SCAMP1: variants seen among roughly 807,000 people sequenced by gnomAD.
The protein encoded by SCAMP1 is secretory carrier-associated membrane protein 1.
Under a neutral mutation model 41.8 loss-of-function variants are expected in SCAMP1, and 15 were observed. The ratio of observed to expected loss-of-function variants is 0.36; its 90% CI spans 0.24 to 0.55. The LOEUF (loss-of-function observed/expected upper bound fraction) is 0.55, where lower values mean the gene tolerates loss of function less well. Among genes scored for constraint, SCAMP1 ranks in the 20% least tolerant of loss-of-function variants. The pLI is 0.86. For synonymous variants in SCAMP1, 135 were observed against 136.8 expected, an observed-to-expected ratio of 0.99 and a Z score of 0.09; for missense variants, 341 against 412.6, an observed-to-expected ratio of 0.83 and a Z score of 1.50.
chr5:78,375,817 A>G (rs1250625724), intron 1 of SCAMP1, among the ~76,000 whole-genome samples: 1 of 152,188 alleles, frequency 6.6e-6, no homozygotes. Flanking sequence ...AAATTATTCT[A>G]TGAGCCAGTC....
At chr5:78,372,991 A>G (rs1017652306) in intron 1 of SCAMP1, among the ~76,000 whole-genome samples, 12 of 152,294 alleles carry the variant, frequency 7.9e-5, no homozygotes, top group Middle Eastern at 3.4e-3. Flanking sequence ...TAACAACAAC[A>G]ATAACTAAAT....
chr5:78,366,166 C>T (rs1208557322), intron 1 of SCAMP1, among the ~76,000 whole-genome samples: 2 of 133,630 alleles, frequency 1.5e-5, no homozygotes, highest in Admixed American at 8.6e-5. Context: ...TTTTTTGAGA[C>T]GGAGTCTTGC....
chr5:78,426,549 G>T (rs1443291438), intron 6 of SCAMP1, among the ~76,000 whole-genome samples: 2 of 152,130 alleles, frequency 1.3e-5, no homozygotes, highest in Non-Finnish European at 2.9e-5. Context: ...GTGATGATGA[G>T]CTTTTTTTCA....
chr5:78,479,838 C>T lies in SCAMP1; in HGVS notation c.*4170C>T, dbSNP rs147576878. ...TGGGCGGATCACGAGGTCAGGAGAT[C>T]GAAACCATCCTGGCTAACATGGTGA... On this transcript the variant is annotated 3_prime_UTR_variant, in exon 9 of 9. Coordinates refer to ENST00000621999, the MANE Select transcript of SCAMP1 (RefSeq NM_004866.6). Among the ~76,000 whole-genome samples the T allele has an allele frequency of 0.022, 3,317 of 151,960 alleles. 154 individuals carry two copies. The highest frequency in any genetic ancestry group is 0.11 in the Admixed American group (1,737 of 15,272).
intron 2 of SCAMP1, among the ~76,000 whole-genome samples, chr5:78,391,685 A>C (rs1437297750): frequency 1.3e-5 from 2 of 152,158 alleles, no homozygotes; most frequent in Non-Finnish European, 2.9e-5. Flanking sequence ...TAGCGAGCCG[A>C]GATCACGCCA....
chr5:78,426,727 C>A lies in SCAMP1; in HGVS notation c.632+4767C>A, dbSNP rs1752479883. 2.0e-5 allele frequency among the ~76,000 whole-genome samples: 3 copies of A among 152,322 alleles called. No individual in the cohort carries two copies. In the South Asian group the frequency reaches 6.2e-4, roughly 32 times the overall value. ...GATTCATTTGCACACAATTCTCATT[C>A]CTTTCCCCTAGCTCCAGGAAACCAC... On this transcript the variant is annotated intron_variant, in intron 6 of 8. Transcript: ENST00000621999.
At chr5:78,380,793 C>T (rs553300609) in intron 1 of SCAMP1, among the ~76,000 whole-genome samples, 74 of 152,172 alleles carry the variant, frequency 4.9e-4, no homozygotes, top group African/African-American at 1.7e-3. Context: ...AGGCCGGGAG[C>T]GGTGGCTCAT....
At chr5:78,425,073 GTAAT>G (rs1404536633) in intron 6 of SCAMP1, among the ~76,000 whole-genome samples, 3 of 152,130 alleles carry the variant, frequency 2.0e-5, no homozygotes, top group African/African-American at 7.2e-5. Flanking sequence ...AATGGTAGCT[GTAAT>G]TAATTTTTAA....
At chr5:78,439,811 A>C (rs115265355) in intron 6 of SCAMP1, among the ~76,000 whole-genome samples, 4,330 of 152,254 alleles carry the variant, frequency 0.028, 222 homozygotes, top group African/African-American at 0.097. Context: ...TTAGAGTGTT[A>C]TACAACTTGG....
chr5:78,394,625 A>G (rs759458162), intron 2 of SCAMP1, among the ~76,000 whole-genome samples: 1 of 152,184 alleles, frequency 6.6e-6, no homozygotes, highest in African/African-American at 2.4e-5. Flanking sequence ...CATCTTTAAT[A>G]CTGCCAAAGC....
intron 6 of SCAMP1, among the ~76,000 whole-genome samples, chr5:78,447,064 T>C (rs1371409676): frequency 2.0e-5 from 3 of 152,164 alleles, no homozygotes; most frequent in African/African-American, 7.2e-5. Context: ...ACAAACCCTA[T>C]TGTGAACTGC....
chr5:78,432,299 G>A (rs932493978), intron 6 of SCAMP1, among the ~76,000 whole-genome samples: 4 of 151,832 alleles, frequency 2.6e-5, no homozygotes, highest in Admixed American at 1.3e-4. Flanking sequence ...TGTGTGTGTG[G>A]GTGTATATGT....
intron 2 of SCAMP1, among the ~76,000 whole-genome samples, chr5:78,409,422 TACACACACACACACACAC>T (rs59969661): frequency 6.7e-6 from 1 of 148,906 alleles, no homozygotes; most frequent in East Asian, 2.0e-4. Flanking sequence ...CACATATAGA[TACACACACACACACACAC>T]ACACACACGC....
chr5:78,467,985 C>T (rs1414552783), intron 8 of SCAMP1, among the ~76,000 whole-genome samples: 1 of 152,186 alleles, frequency 6.6e-6, no homozygotes, highest in Non-Finnish European at 1.5e-5. Flanking sequence ...TAACCGTAAT[C>T]TGTGCACGGT....
rs111940784 is a variant in SCAMP1, at chr5:78,411,076, G to A, written c.136-4444G>A. ...GGATAGATTGCAAAAATTTTCTCCCGTTTTGTAGGTTTTCTGTTCACTCTG... is the reference window on the plus strand; with the variant it reads ...GGATAGATTGCAAAAATTTTCTCCCATTTTGTAGGTTTTCTGTTCACTCTG... On this transcript the variant is annotated intron_variant, in intron 2 of 8. Coordinates refer to ENST00000621999, the MANE Select transcript of SCAMP1 (RefSeq NM_004866.6). Among the ~76,000 whole-genome samples the A allele has an allele frequency of 8.4e-3, 1,278 of 151,952 alleles. 20 individuals are homozygous for A. Among genetic ancestry groups the A allele is most frequent in the African/African-American group, 0.029 (1,193 of 41,448 alleles).
intron 1 of SCAMP1, among the ~76,000 whole-genome samples, chr5:78,373,039 A>G (rs1218594519): frequency 6.6e-6 from 1 of 152,152 alleles, no homozygotes; most frequent in Non-Finnish European, 1.5e-5. Context: ...GTGGTCACCT[A>G]GCTAGGAGGT....
At position 78,416,455 on chromosome 5, in the gene SCAMP1, T is replaced by C. The variant is rs1752209767; in HGVS notation, c.235-86T>C. 6 of 939,782 alleles carry C rather than the reference T, an allele frequency of 6.4e-6. No homozygotes were observed. In the East Asian group the frequency reaches 1.7e-4, roughly 26 times the overall value. The allele number at this position is 939,782 out of a possible 1,614,324, so 58.2% of individuals were successfully genotyped here. On this transcript the variant is annotated intron_variant, in intron 3 of 8. Coordinates refer to ENST00000621999, the MANE Select transcript of SCAMP1 (RefSeq NM_004866.6). ...GTGTGTTTGAATTAGGTTTCTCTCA[T>C]AGTAGAGAAGTAGGAGTTAGCATAT...
intron 2 of SCAMP1, among the ~76,000 whole-genome samples, chr5:78,397,339 C>G (rs927419064): frequency 1.3e-5 from 2 of 152,000 alleles, no homozygotes; most frequent in African/African-American, 4.8e-5. Flanking sequence ...TTAACTCAAT[C>G]ATAGACCTAA....
rs188886737 is a variant in SCAMP1 at position 78,402,637 on chromosome 5, G to A, written c.136-12883G>A. On this transcript the variant is annotated intron_variant, in intron 2 of 8. Transcript: ENST00000621999. ...TTTCTGAAATTTTTTATCAGTGTTA[G>A]CATGGTATATTTTTCTGTTTACTTC... is the stretch of plus-strand genomic sequence containing the variant. Among the ~76,000 whole-genome samples, 289 of 152,090 alleles carry A rather than the reference G, an allele frequency of 1.9e-3. 1 individual carries two copies. The highest frequency in any genetic ancestry group is 6.2e-3 in the African/African-American group (257 of 41,478).
Sources: gnomAD v4.1 joint callset for allele counts (sites outside exome capture counted in the v4.1 genomes callset) on GRCh38, gnomAD v4.1.1 for gene constraint, MANE v1.5 for transcripts, NCBI Gene and HGNC (gene_info 2026-07-23, HGNC 2026-07-21) for gene names.